Variants in XYLT1 observed in about 807,000 individuals in gnomAD.
XYLT1 encodes beta-D-xylosyltransferase 1.
In XYLT1, 36 loss-of-function variants were observed where a neutral mutation model predicts 91.3. The ratio of observed to expected loss-of-function variants is 0.39; its 90% CI spans 0.30 to 0.52. XYLT1 has a LOEUF of 0.52. XYLT1 is among the 20% of genes least tolerant of loss of function. The pLI is 0.68. For missense variants in XYLT1, 1,242 were observed against 1,284.5 expected, an observed-to-expected ratio of 0.97 and a Z score of 0.51; for synonymous variants, 588 against 532.0, an observed-to-expected ratio of 1.11 and a Z score of -1.45.
intron 1 of XYLT1, among the ~76,000 whole-genome samples, chr16:17,385,269 TACACAC>T (rs566134163): frequency 0.02 from 2,379 of 119,978 alleles, 33 homozygotes; most frequent in African/African-American, 0.029. Context: ...TAAACACACA[TACACAC>T]ACACACACAC....
At chr16:17,222,545 T>C (rs927461009) in intron 3 of XYLT1, among the ~76,000 whole-genome samples, 8 of 152,096 alleles carry the variant, frequency 5.3e-5, no homozygotes, top group African/African-American at 1.9e-4. Flanking sequence ...ATCCCAGCAC[T>C]TTGGGAGGTG....
intron 2 of XYLT1, among the ~76,000 whole-genome samples, chr16:17,328,745 C>T (rs1178888348): frequency 1.3e-5 from 2 of 151,980 alleles, no homozygotes; most frequent in African/African-American, 4.8e-5. Context: ...AATCTAAAAC[C>T]TAGTGCTTGA....
intron 3 of XYLT1, among the ~76,000 whole-genome samples, chr16:17,238,526 C>T (rs4780708): frequency 0.45 from 68,657 of 152,038 alleles, 15,531 homozygotes; most frequent in South Asian, 0.52. Flanking sequence ...CAAAAGCAGA[C>T]TGGCAGCTGT....
rs962619045 is a variant in XYLT1 at position 17,103,222 on chromosome 16, A to G, written c.*5473T>C. Reference sequence around the variant, plus strand: ...ATTTACCCTTGAATGAAGTACATATAAAGTCACCCAGTCTTGGGGGCAGGG... The same window carrying G: ...ATTTACCCTTGAATGAAGTACATATGAAGTCACCCAGTCTTGGGGGCAGGG... On this transcript the variant is annotated 3_prime_UTR_variant, in exon 12 of 12. Transcript: ENST00000261381. 6.6e-6 allele frequency: 1 copy of G among 152,638 alleles called. No individual in the cohort carries two copies. Among genetic ancestry groups the G allele is most frequent in the Admixed American group, 6.5e-5 (1 of 15,276 alleles). 9.5% of individuals were successfully genotyped at this position (152,638 alleles called of 1,614,324 possible).
chr16:17,228,516 T>C (rs139953921), intron 3 of XYLT1, among the ~76,000 whole-genome samples: 1 of 152,194 alleles, frequency 6.6e-6, no homozygotes, highest in African/African-American at 2.4e-5. Context: ...GTGACTGCTG[T>C]TGAGAATATG....
chr16:17,116,715 G>C (rs1273215739), intron 11 of XYLT1, among the ~76,000 whole-genome samples: 1 of 152,178 alleles, frequency 6.6e-6, no homozygotes, highest in Non-Finnish European at 1.5e-5. Flanking sequence ...TTTACTAGGA[G>C]ATACTAAAAC....
intron 2 of XYLT1, among the ~76,000 whole-genome samples, chr16:17,269,842 C>T (rs2033861168): frequency 8.4e-6 from 1 of 119,458 alleles, no homozygotes; most frequent in African/African-American, 3.5e-5. Flanking sequence ...GATGGAGTCT[C>T]CCTCTGTTGC....
At chr16:17,142,850 A>C (rs1472123008) in intron 6 of XYLT1, among the ~76,000 whole-genome samples, 1 of 152,214 alleles carries the variant, frequency 6.6e-6, no homozygotes, top group African/African-American at 2.4e-5. Context: ...TGACCGAGTC[A>C]GTTAGTTACT....
At chr16:17,158,010 G>A (rs573868116) in intron 6 of XYLT1, among the ~76,000 whole-genome samples, 2 of 141,926 alleles carry the variant, frequency 1.4e-5, no homozygotes, top group East Asian at 5.0e-4. Context: ...GCCTCCCAAA[G>A]TGCTGGGATT....
intron 2 of XYLT1, among the ~76,000 whole-genome samples, chr16:17,273,568 G>A (rs905802254): frequency 1.3e-5 from 2 of 152,198 alleles, no homozygotes; most frequent in Admixed American, 1.3e-4. Context: ...AGTACGCCAG[G>A]CATGGTGGCT....
intron 1 of XYLT1, among the ~76,000 whole-genome samples, chr16:17,363,923 C>T (rs971488676): frequency 3.9e-5 from 6 of 152,194 alleles, no homozygotes; most frequent in African/African-American, 1.4e-4. Context: ...AGGTGATCTG[C>T]CTGCCTCACC....
At chr16:17,129,862 T>G (rs1165708773) in intron 9 of XYLT1, among the ~76,000 whole-genome samples, 1 of 152,198 alleles carries the variant, frequency 6.6e-6, no homozygotes, top group Admixed American at 6.5e-5. Flanking sequence ...TCCCATCTCC[T>G]TTATCTTATG....
chr16:17,290,447 T>C (rs1418796124), intron 2 of XYLT1, among the ~76,000 whole-genome samples: 4 of 152,238 alleles, frequency 2.6e-5, no homozygotes, highest in African/African-American at 9.6e-5. Flanking sequence ...CTGCCATGAC[T>C]CTTGGAGCCA....
intron 2 of XYLT1, among the ~76,000 whole-genome samples, chr16:17,276,542 G>A (rs1282844397): frequency 6.6e-6 from 1 of 152,126 alleles, no homozygotes; most frequent in Non-Finnish European, 1.5e-5. Flanking sequence ...CAAGTTTCAG[G>A]GTGGATATGC....
chr16:17,154,243 G>C (rs1427982495), intron 6 of XYLT1, among the ~76,000 whole-genome samples: 3 of 152,184 alleles, frequency 2.0e-5, no homozygotes, highest in African/African-American at 7.2e-5. Context: ...CCATGGCTGT[G>C]GTATAGAAGA....
intron 2 of XYLT1, among the ~76,000 whole-genome samples, chr16:17,269,587 G>A (rs1354735859): frequency 1.3e-5 from 2 of 152,160 alleles, no homozygotes; most frequent in East Asian, 3.8e-4. Flanking sequence ...ATAATTTACT[G>A]TTTGTTCCAG....
Position 17,470,491 on chromosome 16 carries a change from G to A in XYLT1, c.306C>T (p.Pro102=), listed in dbSNP as rs763158776. 6.5e-6 allele frequency: 8 copies of A among 1,231,480 alleles called. No homozygotes were observed. The South Asian group carries it at 3.2e-4, about 50-fold the overall frequency. The allele number at this position is 1,231,480 out of a possible 1,614,324, so 76.3% of individuals were successfully genotyped here. A position where few individuals can be genotyped will look rare whatever the true frequency, so the allele number is the denominator to read the frequency against. ...GPQARARGGG[P]GEPRGQQPAS... Reference sequence around the variant, plus strand: ...CCGGCTGCTGTCCCCGCGGTTCTCCGGGGCCGCCTCCCCGCGCCCGCGCCT... The same window carrying A: ...CCGGCTGCTGTCCCCGCGGTTCTCCAGGGCCGCCTCCCCGCGCCCGCGCCT... The change falls in exon 1 of 12, where the codon CCC becomes CCT. Residue 102 remains proline (P), a synonymous_variant. Coordinates refer to ENST00000261381, the MANE Select transcript of XYLT1 (RefSeq NM_022166.4).
At chr16:17,282,839 T>C (rs747925607) in intron 2 of XYLT1, among the ~76,000 whole-genome samples, 2 of 152,238 alleles carry the variant, frequency 1.3e-5, no homozygotes, top group Non-Finnish European at 2.9e-5. Flanking sequence ...ACTTACTATA[T>C]GCCACTGTTG....
intron 5 of XYLT1, among the ~76,000 whole-genome samples, chr16:17,168,062 TTGC>T (rs1409220234): frequency 6.6e-6 from 1 of 152,214 alleles, no homozygotes. Flanking sequence ...AGTTCGGGAC[TTGC>T]TGAAGAAGAG....
Sources: gnomAD v4.1 joint callset for allele counts (sites outside exome capture counted in the v4.1 genomes callset) on GRCh38, gnomAD v4.1.1 for gene constraint, MANE v1.5 for transcripts, NCBI Gene and HGNC (gene_info 2026-07-23, HGNC 2026-07-21) for gene names.